The following GLB1L3 variants were observed in gnomAD, a reference collection of about 807,000 sequenced individuals.
GLB1L3 encodes the protein beta-galactosidase-1-like protein 3.
A neutral mutation model predicts 89.5 loss-of-function variants in GLB1L3; 89 were observed. That is an observed-to-expected ratio of 0.99 (90% CI 0.84 to 1.19). The LOEUF (loss-of-function observed/expected upper bound fraction) is 1.19, where lower values mean the gene tolerates loss of function less well. GLB1L3 is among the 50% of genes most tolerant of loss of function. The probability of loss-of-function intolerance (pLI) is 0.00; values close to 1 mark genes in which losing one functional copy is unlikely to be tolerated. For synonymous variants in GLB1L3, 314 were observed against 312.3 expected (o/e 1.01, Z -0.06); for missense variants, 812 against 813.3 (o/e 1.00, Z 0.02).
chr11:134,295,455 A>C (rs762069968), intron 9 of GLB1L3, among the ~76,000 whole-genome samples: 1 of 152,178 alleles, frequency 6.6e-6, no homozygotes, highest in Admixed American at 6.5e-5. Context: ...GTTTGTTGTC[A>C]TAGCGATGGC....
chr11:134,310,518 C>T, intron 11 of GLB1L3, 53 bp from the exon 12 acceptor site: 2 of 1,420,052 alleles, frequency 1.4e-6, no homozygotes, highest in Admixed American at 3.6e-5. Flanking sequence ...GGTGCTGAAA[C>T]AGGGCCTCCT....
rs1187284165 is a variant in GLB1L3 at position 134,312,388 on chromosome 11, C to A, written c.1327C>A (p.Pro443Thr). ...TCAGCCCGTCAACATGGAGAACCTT[C>A]CCATAAACAATGGGAGCGGCCAGTC... ...SRQPVNMENLPINNGSGQSYG... is the reference protein window; with the variant it reads ...SRQPVNMENLTINNGSGQSYG... The change falls in exon 14 of 20, where the codon CCC becomes ACC. Residue 443 changes from proline (P) to threonine (T), a missense_variant. Pro to Thr is a conservative substitution (Grantham distance 38, BLOSUM62 -1). This residue lies in a region of GLB1L3 where 618 missense variants were observed against 604.0 expected (regional missense o/e 1.02). Coordinates refer to ENST00000431683, the MANE Select transcript of GLB1L3 (RefSeq NM_001080407.3). 1.2e-6 allele frequency: 2 copies of A among 1,613,844 alleles called. No homozygotes were observed. The highest frequency in any genetic ancestry group is 1.1e-5 in the South Asian group (1 of 91,072).
intron 6 of GLB1L3, among the ~76,000 whole-genome samples, chr11:134,285,010 C>T (rs922555791): frequency 5.4e-5 from 8 of 149,528 alleles, no homozygotes; most frequent in Non-Finnish European, 7.4e-5. Flanking sequence ...CTCACTGCAA[C>T]CTCCACCTCC....
chr11:134,282,416 AG>A (rs1215127470), intron 5 of GLB1L3, among the ~76,000 whole-genome samples: 4 of 151,972 alleles, frequency 2.6e-5, no homozygotes, highest in African/African-American at 9.7e-5. Context: ...TGGCCACAAG[AG>A]GCTCCCACTC....
chr11:134,276,736 C>G lies in GLB1L3; in HGVS notation c.-5C>G. The G allele has an allele frequency of 6.9e-7, 1 of 1,450,372 alleles. No individual in the cohort carries two copies. The highest frequency in any genetic ancestry group is 9.1e-7 in the Non-Finnish European group (1 of 1,103,368). The allele number at this position is 1,450,372 out of a possible 1,614,324, so 89.8% of individuals were successfully genotyped here. A position where few individuals can be genotyped will look rare whatever the true frequency, so the allele number is the denominator to read the frequency against. On this transcript the variant is annotated 5_prime_UTR_variant, in exon 1 of 20. Transcript: ENST00000431683. ...AGGGACCCTCGGCGCCTCGGCCTGG[C>G]CGCGATGAAGTCCCCGCCCCTCCTC...
intron 12 of GLB1L3, 169 bp from the exon 13 acceptor site, chr11:134,310,895 C>T: frequency 3.1e-6 from 2 of 644,318 alleles, no homozygotes; most frequent in Non-Finnish European, 5.5e-6. Context: ...ACCTTGGTCT[C>T]CTGTGATGAC....
intron 13 of GLB1L3, chr11:134,311,382 G>A (rs1281747317): frequency 1.8e-5 from 10 of 547,210 alleles, no homozygotes; most frequent in East Asian, 3.1e-5. Context: ...GCAGCAGGAC[G>A]TCGGAGGATC....
intron 3 of GLB1L3, among the ~76,000 whole-genome samples, 171 bp downstream of exon 3, chr11:134,278,083 G>A (rs1485216810): frequency 1.3e-5 from 2 of 152,174 alleles, no homozygotes; most frequent in East Asian, 3.9e-4. Context: ...GTCTCATGCT[G>A]AGTTTGCTCT....
chr11:134,299,643 C>A (rs1316801165), intron 9 of GLB1L3, among the ~76,000 whole-genome samples: 1 of 152,172 alleles, frequency 6.6e-6, no homozygotes. Flanking sequence ...TTGAGTCCCA[C>A]AGAGAATCTG....
chr11:134,290,883 C>T (rs2136141797), intron 7 of GLB1L3, among the ~76,000 whole-genome samples: 1 of 152,134 alleles, frequency 6.6e-6, no homozygotes, highest in East Asian at 1.9e-4. Flanking sequence ...CCTCTTCTTT[C>T]AGTGACTTAG....
At chr11:134,313,635 G>C (rs1333640416) in intron 16 of GLB1L3, among the ~76,000 whole-genome samples, 161 bp downstream of exon 16, 1 of 152,198 alleles carries the variant, frequency 6.6e-6, no homozygotes, top group African/African-American at 2.4e-5. Flanking sequence ...CCCTTGTCTT[G>C]CCTTCTCTGA....
At chr11:134,305,887 T>G (rs1942185540) in intron 9 of GLB1L3, among the ~76,000 whole-genome samples, 1 of 152,058 alleles carries the variant, frequency 6.6e-6, no homozygotes, top group South Asian at 2.1e-4. Context: ...AGTTGGAAGG[T>G]AAAGATGATC....
chr11:134,276,465 G>C lies in GLB1L3; in HGVS notation c.-276G>C, dbSNP rs768754898. 2.8e-6 allele frequency: 1 copy of C among 355,076 alleles called. No individual in the cohort carries two copies. Among genetic ancestry groups the C allele is most frequent in the Non-Finnish European group, 5.0e-6 (1 of 198,478 alleles). 22.0% of individuals were successfully genotyped at this position (355,076 alleles called of 1,614,324 possible). Reference sequence around the variant, plus strand: ...AGGGCCCTCCCGCTTCCCCTCCGAGGGCAGAGAGGCGTCCGCGCCCGGACG... The same window carrying C: ...AGGGCCCTCCCGCTTCCCCTCCGAGCGCAGAGAGGCGTCCGCGCCCGGACG... On this transcript the variant is annotated 5_prime_UTR_variant, in exon 1 of 20. Coordinates refer to ENST00000431683, the MANE Select transcript of GLB1L3 (RefSeq NM_001080407.3).
chr11:134,298,423 A>G (rs1391955449), intron 9 of GLB1L3, among the ~76,000 whole-genome samples: 1 of 152,186 alleles, frequency 6.6e-6, no homozygotes, highest in Non-Finnish European at 1.5e-5. Context: ...TCAACAAAGG[A>G]TGAGCAAATT....
At chr11:134,308,438 C>A (rs1211297496) in intron 10 of GLB1L3, among the ~76,000 whole-genome samples, 1 of 71,302 alleles carries the variant, frequency 1.4e-5, no homozygotes, top group African/African-American at 9.1e-5. Context: ...TCACCACCAC[C>A]ACCACCATCA....
intron 6 of GLB1L3, among the ~76,000 whole-genome samples, chr11:134,284,735 C>A (rs551704901): frequency 6.6e-6 from 1 of 151,564 alleles, no homozygotes; most frequent in Admixed American, 6.6e-5. Context: ...TCTCAAAAAA[C>A]AAAACGAAAC....
intron 9 of GLB1L3, among the ~76,000 whole-genome samples, chr11:134,295,438 T>C (rs774600771): frequency 2.4e-4 from 37 of 152,226 alleles, no homozygotes; most frequent in Admixed American, 5.9e-4. Flanking sequence ...TGTTATCCTC[T>C]TAATGTGTTT....
chr11:134,299,675 A>G (rs1039722232), intron 9 of GLB1L3, among the ~76,000 whole-genome samples: 2 of 151,872 alleles, frequency 1.3e-5, no homozygotes, highest in Non-Finnish European at 2.9e-5. Context: ...TCTCTCAGCT[A>G]TAGTATGTGT....
intron 18 of GLB1L3, among the ~76,000 whole-genome samples, chr11:134,315,767 ATTTAT>A (rs1320866915): frequency 1.3e-5 from 2 of 151,974 alleles, no homozygotes; most frequent in African/African-American, 4.8e-5. Context: ...TGTGTTAAGT[ATTTAT>A]TTTCTGATTC....
Sources: allele counts gnomAD v4.1 joint callset (sites outside exome capture counted in the v4.1 genomes callset), GRCh38; gene constraint gnomAD v4.1.1; regional missense constraint gnomAD v4.1.1; transcripts MANE v1.5; gene names NCBI Gene and HGNC (gene_info 2026-07-23, HGNC 2026-07-21).